The following COL21A1 variants were observed in gnomAD, a reference collection of about 807,000 sequenced individuals.
COL21A1 encodes collagen type XXI alpha 1 chain, also known as collagen alpha-1(XXI) chain.
Under a neutral mutation model 137.9 loss-of-function variants are expected in COL21A1, and 149 were observed. The observed-to-expected ratio is 1.08, with a 90% CI of 0.95 to 1.24. The LOEUF (loss-of-function observed/expected upper bound fraction) is 1.24, where lower values mean the gene tolerates loss of function less well. Ranked by LOEUF, COL21A1 falls within the 50% of genes most tolerant of loss-of-function variation. COL21A1 has a pLI of 0.00. For missense variants in COL21A1, 1,167 were observed against 1,158.4 expected (o/e 1.01, Z -0.11); for synonymous variants, 456 against 391.5 (o/e 1.16, Z -1.95).
At chr6:56,385,909 T>A (rs1199913939) in intron 1 of COL21A1, among the ~76,000 whole-genome samples, 1 of 152,124 alleles carries the variant, frequency 6.6e-6, no homozygotes, top group African/African-American at 2.4e-5. Context: ...TTCCTTTTTT[T>A]TTTTTTTGAA....
intron 1 of COL21A1, among the ~76,000 whole-genome samples, chr6:56,324,916 G>T (rs1764968788): frequency 6.6e-6 from 1 of 151,864 alleles, no homozygotes; most frequent in Non-Finnish European, 1.5e-5. Context: ...ACCCTCATAT[G>T]AAAGATGCCT....
intron 1 of COL21A1, among the ~76,000 whole-genome samples, chr6:56,302,216 C>T (rs9382610): frequency 0.76 from 113,904 of 150,860 alleles, 45,004 homozygotes; most frequent in South Asian, 0.89. Flanking sequence ...TATAGCAGCA[C>T]GATTTATAAT....
At chr6:56,064,746 T>C (rs1766100428) in intron 23 of COL21A1, 124 bp from the exon 24 acceptor site, 3 of 538,502 alleles carry the variant, frequency 5.6e-6, no homozygotes, top group Non-Finnish European at 3.2e-6. Flanking sequence ...GATACAAATA[T>C]ATAAATTATG....
chr6:56,291,294 C>T (rs914375789), intron 1 of COL21A1, among the ~76,000 whole-genome samples: 2 of 152,130 alleles, frequency 1.3e-5, no homozygotes, highest in African/African-American at 2.4e-5. Flanking sequence ...GAGAAAGGGG[C>T]AGTTTCTTGG....
chr6:56,080,644 T>C (rs770464463), intron 17 of COL21A1, among the ~76,000 whole-genome samples: 2 of 151,842 alleles, frequency 1.3e-5, no homozygotes, highest in Admixed American at 1.3e-4. Flanking sequence ...TGCTTTTAAG[T>C]AATGCAATAT....
chr6:56,291,457 G>A (rs116828552), intron 1 of COL21A1, among the ~76,000 whole-genome samples: 2,345 of 152,346 alleles, frequency 0.015, 57 homozygotes, highest in African/African-American at 0.054. Context: ...CAAACAGGCG[G>A]ATGCCTTCTC....
chr6:56,203,818 G>A lies in COL21A1; in HGVS notation c.-38-21162C>T, dbSNP rs184914255. Among the ~76,000 whole-genome samples the A allele has an allele frequency of 1.1e-4, 17 of 152,304 alleles. No homozygotes were observed. In the East Asian group the frequency reaches 3.1e-3, roughly 28 times the overall value. On this transcript the variant is annotated intron_variant, in intron 1 of 29. Transcript: ENST00000244728. ...ACAGTGGGTGCAGCCCACAGAGGGCGAGCTGAAGCAGGGTGGGGCATCACC... is the reference window on the plus strand; with the variant it reads ...ACAGTGGGTGCAGCCCACAGAGGGCAAGCTGAAGCAGGGTGGGGCATCACC...
intron 1 of COL21A1, among the ~76,000 whole-genome samples, chr6:56,222,130 G>A (rs2397209): frequency 0.75 from 113,623 of 151,810 alleles, 43,240 homozygotes; most frequent in African/African-American, 0.88. Context: ...AAAATTAGCC[G>A]GGCATGGTGG....
intron 1 of COL21A1, among the ~76,000 whole-genome samples, chr6:56,268,871 A>G (rs1763456822): frequency 6.6e-6 from 1 of 152,214 alleles, no homozygotes; most frequent in Non-Finnish European, 1.5e-5. Context: ...CAATACAAGG[A>G]ATCCAGTAAG....
At chr6:56,231,248 C>T (rs1438246709) in intron 1 of COL21A1, 2 of 151,826 alleles carry the variant, frequency 1.3e-5, no homozygotes, top group Non-Finnish European at 2.9e-5. Flanking sequence ...TCAAAAATAA[C>T]TTGGTGTGCG....
At chr6:56,221,895 G>A (rs377146754) in intron 1 of COL21A1, among the ~76,000 whole-genome samples, 2 of 151,930 alleles carry the variant, frequency 1.3e-5, no homozygotes, top group African/African-American at 2.4e-5. Context: ...AAAGCAAATC[G>A]AGAAAGCTAC....
intron 12 of COL21A1, among the ~76,000 whole-genome samples, chr6:56,127,894 T>C (rs938999222): frequency 7.2e-5 from 11 of 152,164 alleles, no homozygotes; most frequent in Admixed American, 1.3e-4. Context: ...TAATCATCCA[T>C]TATGCTAGGT....
intron 16 of COL21A1, among the ~76,000 whole-genome samples, chr6:56,118,722 A>T (rs1222018573): frequency 1.3e-5 from 2 of 152,078 alleles, no homozygotes; most frequent in African/African-American, 4.8e-5. Flanking sequence ...TAGAAAGATC[A>T]TTCATCACAA....
At chr6:56,270,547 T>G (rs1331228112) in intron 1 of COL21A1, among the ~76,000 whole-genome samples, 1 of 152,142 alleles carries the variant, frequency 6.6e-6, no homozygotes, top group Non-Finnish European at 1.5e-5. Context: ...GGAATTAAAT[T>G]CAACACTCAA....
At chr6:56,224,187 A>G (rs1048564002) in intron 1 of COL21A1, among the ~76,000 whole-genome samples, 41 of 152,116 alleles carry the variant, frequency 2.7e-4, no homozygotes, top group African/African-American at 9.6e-4. Flanking sequence ...GGCTTAGGGG[A>G]AAAAGCAACC....
At chr6:56,118,893 A>C (rs1468851595) in intron 16 of COL21A1, among the ~76,000 whole-genome samples, 2 of 152,084 alleles carry the variant, frequency 1.3e-5, no homozygotes, top group Non-Finnish European at 2.9e-5. Context: ...CATGATAAAA[A>C]CCCTCAAAAA....
At position 56,387,851 on chromosome 6, in the gene COL21A1, A is replaced by G. The variant is rs563841024; in HGVS notation, c.-39+6120T>C. Among the ~76,000 whole-genome samples, 62 of 152,262 alleles carry G rather than the reference A, an allele frequency of 4.1e-4. No individual in the cohort carries two copies. The South Asian group carries it at 7.3e-3, about 18-fold the overall frequency. On this transcript the variant is annotated intron_variant, in intron 1 of 28. Transcript: ENST00000370819. ...TTTGAGTGGCAGTCAGGCCACAAAA[A>G]CTACAGTCCTTGGGCAAGCCTTAGT...
intron 1 of COL21A1, among the ~76,000 whole-genome samples, chr6:56,330,654 C>T (rs1765199115): frequency 6.6e-6 from 1 of 152,078 alleles, no homozygotes; most frequent in Admixed American, 6.6e-5. Flanking sequence ...CCTCGCCTCT[C>T]TCCCACCCAC....
At chr6:56,171,496 T>A (rs772641460) in intron 3 of COL21A1, among the ~76,000 whole-genome samples, 31 of 151,992 alleles carry the variant, frequency 2.0e-4, no homozygotes, top group Admixed American at 9.8e-4. Flanking sequence ...ATCATTCTCA[T>A]CCAGGATTTC....
Sources: gnomAD v4.1 joint callset for allele counts (sites outside exome capture counted in the v4.1 genomes callset) on GRCh38, gnomAD v4.1.1 for gene constraint, MANE v1.5 for transcripts, NCBI Gene and HGNC (gene_info 2026-07-23, HGNC 2026-07-21) for gene names.